Variants in SLC4A7 observed in about 807,000 individuals in gnomAD.
SLC4A7 encodes the protein sodium bicarbonate cotransporter 3.
A neutral mutation model predicts 137.6 loss-of-function variants in SLC4A7; 51 were observed. The observed-to-expected ratio is 0.37, with a 90% CI of 0.30 to 0.47. The LOEUF (loss-of-function observed/expected upper bound fraction) is 0.47. Ranked by LOEUF, SLC4A7 falls within the 20% of genes least tolerant of loss-of-function variation. The pLI is 1.00. For synonymous variants in SLC4A7, 542 were observed against 518.6 expected, an observed-to-expected ratio of 1.05 and a Z score of -0.61; for missense variants, 1,247 against 1,525.4, an observed-to-expected ratio of 0.82 and a Z score of 3.04.
rs1365328162 is a variant in SLC4A7 at position 27,375,342 on chromosome 3, A to C, written c.*1422T>G. The C allele has an allele frequency of 6.6e-6, 1 of 152,070 alleles. No individual in the cohort carries two copies. Among genetic ancestry groups the C allele is most frequent in the East Asian group, 1.9e-4 (1 of 5,196 alleles). The allele number at this position is 152,070 out of a possible 1,614,324, so 9.4% of individuals were successfully genotyped here. ...TTCTCAATACTCATTTGATTTTTGT[A>C]AATTATTCTCTTGTCAAATCAGTTT... On this transcript the variant is annotated 3_prime_UTR_variant, in exon 26 of 26. Transcript: ENST00000454389.
intron 1 of SLC4A7, 49 bp from the exon 2 acceptor site, chr3:27,452,547 G>A (rs983775708): frequency 1.6e-6 from 2 of 1,272,698 alleles, no homozygotes; most frequent in African/African-American, 1.5e-5. Context: ...ATCTATTGAG[G>A]ACCTATTATA....
chr3:27,474,047 C>T (rs1277889213), intron 1 of SLC4A7, among the ~76,000 whole-genome samples: 4 of 152,112 alleles, frequency 2.6e-5, no homozygotes, highest in African/African-American at 7.2e-5. Context: ...AACTATCTTA[C>T]GCCTATTCGA....
rs926619772 is a variant in SLC4A7 at position 27,484,225 on chromosome 3, G to T, written c.-99C>A. 1.9e-6 allele frequency: 2 copies of T among 1,046,562 alleles called. No homozygotes were observed. Among genetic ancestry groups the T allele is most frequent in the Non-Finnish European group, 2.4e-6 (2 of 822,028 alleles). 64.8% of individuals were successfully genotyped at this position (1,046,562 alleles called of 1,614,324 possible). On this transcript the variant is annotated 5_prime_UTR_variant, in exon 1 of 26. Transcript: ENST00000454389. ...GCCGCCGCCGCCGAGCCCCCGGCGCGCGAGGACAAACGTGGGTGCGTCCGT... is the reference window on the plus strand; with the variant it reads ...GCCGCCGCCGCCGAGCCCCCGGCGCTCGAGGACAAACGTGGGTGCGTCCGT...
At chr3:27,431,743 C>CA in intron 6 of SLC4A7, 74 bp from the exon 7 acceptor site, 1 of 1,427,912 alleles carries the variant, frequency 7.0e-7, no homozygotes, top group Non-Finnish European at 9.3e-7. Context: ...AAAAAAAAAT[C>CA]AATTTACACT....
At chr3:27,400,945 T>C (rs369828983) in intron 15 of SLC4A7, 76 bp from the exon 16 acceptor site, 5 of 794,572 alleles carry the variant, frequency 6.3e-6, no homozygotes, top group African/African-American at 1.7e-5. Context: ...AATTATACAA[T>C]GTGGTAGATT....
chr3:27,388,003 T>C (rs912636357), intron 22 of SLC4A7, among the ~76,000 whole-genome samples: 16 of 152,212 alleles, frequency 1.1e-4, no homozygotes, highest in Non-Finnish European at 2.2e-4. Flanking sequence ...TATTCTTAAG[T>C]ACTTTATGGT....
rs538857789 is a variant in SLC4A7 at position 27,384,808 on chromosome 3, C to CA, written c.3492+1083dup. On this transcript the variant is annotated intron_variant, in intron 23 of 25. Transcript: ENST00000454389. ...TGGAACCCTGTCTCTACTAAAAGTA[C>CA]AAAAATAAGCCCAGTTTGGTGGCGG... 1.4e-3 allele frequency among the ~76,000 whole-genome samples: 218 copies of CA among 151,912 alleles called. 4 individuals are homozygous for CA. The East Asian group carries it at 0.034, about 24-fold the overall frequency.
At chr3:27,451,693 G>A (rs1266442690) in intron 2 of SLC4A7, among the ~76,000 whole-genome samples, 1 of 152,052 alleles carries the variant, frequency 6.6e-6, no homozygotes, top group African/African-American at 2.4e-5. Flanking sequence ...AACAGAAAAA[G>A]GCCATTAGTG....
chr3:27,468,184 C>T (rs1559839987), intron 1 of SLC4A7, among the ~76,000 whole-genome samples: 3 of 152,176 alleles, frequency 2.0e-5, no homozygotes, highest in Admixed American at 6.5e-5. Context: ...CCGCCTCGGC[C>T]TCCCACAGTG....
rs756621553 is a variant in SLC4A7, at chr3:27,448,734, C to T, written c.206G>A (p.Arg69Lys). Residue 69 changes from arginine to lysine, a missense_variant, in exon 3 of 26, where the codon AGG becomes AAG. Transcript: ENST00000454389. Reference sequence around the variant, plus strand: ...GTGGTGATGTTTGTGTCCGCGATGCCTATGACGCCGACGACTCTCTTTACT... The same window carrying T: ...GTGGTGATGTTTGTGTCCGCGATGCTTATGACGCCGACGACTCTCTTTACT... Reference protein sequence around the residue: ...PFSKESRRRHRHRGHKHHHRR... With the variant: ...PFSKESRRRHKHRGHKHHHRR... 2.0e-5 allele frequency: 32 copies of T among 1,612,910 alleles called. No individual in the cohort carries two copies. Among genetic ancestry groups the T allele is most frequent in the Admixed American group, 6.7e-5 (4 of 59,946 alleles).
intron 23 of SLC4A7, among the ~76,000 whole-genome samples, chr3:27,385,137 A>T (rs188238068): frequency 0.011 from 1,613 of 152,286 alleles, 19 homozygotes; most frequent in Non-Finnish European, 0.017. Context: ...AGGACCATAC[A>T]TTTAAAAATA....
At chr3:27,379,195 A>G (rs2050177956) in intron 25 of SLC4A7, 54 bp downstream of exon 25, 4 of 854,078 alleles carry the variant, frequency 4.7e-6, no homozygotes, top group Non-Finnish European at 7.6e-6. Context: ...TGAAGCTATC[A>G]TAAGTAAATG....
intron 1 of SLC4A7, among the ~76,000 whole-genome samples, chr3:27,479,299 A>T (rs1370475918): frequency 6.6e-6 from 1 of 152,042 alleles, no homozygotes; most frequent in East Asian, 1.9e-4. Context: ...CTGTATTCCC[A>T]GCTACTCAGG....
intron 15 of SLC4A7, among the ~76,000 whole-genome samples, chr3:27,401,839 T>C (rs1198000397): frequency 2.6e-5 from 4 of 152,090 alleles, no homozygotes; most frequent in African/African-American, 9.7e-5. Context: ...TTTATAAAGG[T>C]CAAAGAAGCA....
At chr3:27,383,693 T>C (rs946304731) in intron 23 of SLC4A7, among the ~76,000 whole-genome samples, 13 of 152,200 alleles carry the variant, frequency 8.5e-5, no homozygotes, top group Admixed American at 7.2e-4. Context: ...CCTGTGTATA[T>C]AGAGTATTTC....
chr3:27,457,974 G>A (rs2058499096), intron 1 of SLC4A7, among the ~76,000 whole-genome samples: 1 of 152,106 alleles, frequency 6.6e-6, no homozygotes, highest in Non-Finnish European at 1.5e-5. Context: ...GCCCAAGTAT[G>A]ATTAACCAAG....
chr3:27,466,870 T>A (rs79284499), intron 1 of SLC4A7, among the ~76,000 whole-genome samples: 18,895 of 151,590 alleles, frequency 0.12, 1,367 homozygotes, highest in South Asian at 0.26. Flanking sequence ...AAAAAAAAAA[T>A]TTTTTTAATT....
At chr3:27,405,295 G>C (rs1049817060) in intron 13 of SLC4A7, among the ~76,000 whole-genome samples, 4 of 151,936 alleles carry the variant, frequency 2.6e-5, no homozygotes, top group Non-Finnish European at 5.9e-5. Context: ...GCTCATTAGA[G>C]CACTTCAGAT....
intron 21 of SLC4A7, among the ~76,000 whole-genome samples, chr3:27,391,114 T>C (rs952692993): frequency 6.6e-6 from 1 of 152,234 alleles, no homozygotes; most frequent in African/African-American, 2.4e-5. Flanking sequence ...TGAGTAATGA[T>C]AGCCAGCCTA....
Sources: allele counts gnomAD v4.1 joint callset (sites outside exome capture counted in the v4.1 genomes callset), GRCh38; gene constraint gnomAD v4.1.1; transcripts MANE v1.5; gene names NCBI Gene and HGNC (gene_info 2026-07-23, HGNC 2026-07-21).